The following CAMTA1 variants were observed in gnomAD, a reference collection of about 807,000 sequenced individuals.
The protein encoded by CAMTA1 is calmodulin-binding transcription activator 1.
In CAMTA1, 27 loss-of-function variants were observed where a neutral mutation model predicts 170.9. The ratio of observed to expected loss-of-function variants is 0.16; its 90% confidence interval spans 0.12 to 0.22. The LOEUF (loss-of-function observed/expected upper bound fraction) is 0.22. Among genes scored for constraint, CAMTA1 ranks in the 10% least tolerant of loss-of-function variants. The probability of loss-of-function intolerance (pLI) is 1.00; values close to 1 mark genes in which losing one functional copy is unlikely to be tolerated. For missense variants in CAMTA1, 1,619 were observed against 2,217.2 expected, an observed-to-expected ratio of 0.73 and a Z score of 5.42; for synonymous variants, 833 against 891.5, an observed-to-expected ratio of 0.93 and a Z score of 1.17.
intron 4 of CAMTA1, among the ~76,000 whole-genome samples, chr1:7,131,174 G>A (rs1017231008): frequency 2.0e-5 from 3 of 152,120 alleles, no homozygotes; most frequent in East Asian, 3.9e-4. Context: ...GGATGGTCTC[G>A]ATCTCTTGAC....
At chr1:6,790,375 AGTGT>A (rs370868840) in intron 1 of CAMTA1, among the ~76,000 whole-genome samples, 2,276 of 139,018 alleles carry the variant, frequency 0.016, 26 homozygotes, top group Non-Finnish European at 0.019. Context: ...AGAGAGAGAG[AGTGT>A]GTGTGTGTGT....
chr1:6,900,060 G>T (rs943224645), intron 3 of CAMTA1, among the ~76,000 whole-genome samples: 4 of 152,214 alleles, frequency 2.6e-5, no homozygotes, highest in African/African-American at 9.6e-5. Context: ...TCTTTGAAAA[G>T]TCACATGTGA....
intron 4 of CAMTA1, among the ~76,000 whole-genome samples, chr1:7,223,047 C>A (rs1021684141): frequency 6.6e-6 from 1 of 152,248 alleles, no homozygotes; most frequent in African/African-American, 2.4e-5. Context: ...CCCTTGATGA[C>A]CAACGCTCTT....
intron 5 of CAMTA1, among the ~76,000 whole-genome samples, chr1:7,276,303 A>ATATATATTTTTTTTTT: frequency 4.1e-5 from 1 of 24,232 alleles, no homozygotes; most frequent in Non-Finnish European, 6.1e-5. Context: ...ATATATATAT[A>ATATATATTTTTTTTTT]TTTTTTTTTT....
rs1310129155 is a variant in CAMTA1 at position 7,191,067 on chromosome 1, C to T, written c.303-58424C>T. Among the ~76,000 whole-genome samples, 3 of 152,304 alleles carry T rather than the reference C, an allele frequency of 2.0e-5. No individual in the cohort carries two copies. The East Asian group carries it at 5.8e-4, about 29-fold the overall frequency. ...TAGTGCAGGTTGTGTTTGTAAGATTCAAGGACCATTAGGGTCTCGCATTTT... is the reference window on the plus strand; with the variant it reads ...TAGTGCAGGTTGTGTTTGTAAGATTTAAGGACCATTAGGGTCTCGCATTTT... On this transcript the variant is annotated intron_variant, in intron 4 of 22. Transcript: ENST00000303635.
In CAMTA1 at chr1:6,834,152, T is replaced by TA. The variant is rs200388989; in HGVS notation, c.234+8944dup. Among the ~76,000 whole-genome samples the TA allele has an allele frequency of 3.5e-3, 520 of 149,520 alleles. 3 individuals are homozygous for TA. The highest frequency in any genetic ancestry group is 5.1e-3 in the African/African-American group (209 of 40,598). ...GGTCCAGCTTCGGAGTTTATTTGAT[T>TA]AATTTTTTTTTTTTTTTTACTGTTA... On this transcript the variant is annotated intron_variant, in intron 3 of 22. Transcript: ENST00000303635.
At chr1:7,250,074 G>T (rs1666390976) in intron 5 of CAMTA1, among the ~76,000 whole-genome samples, 1 of 152,172 alleles carries the variant, frequency 6.6e-6, no homozygotes, top group Non-Finnish European at 1.5e-5. Context: ...CAAACCCTGG[G>T]TGTGTCAGCC....
chr1:7,455,064 G>A lies in CAMTA1; in HGVS notation c.439-12766G>A, dbSNP rs916721938. Among the ~76,000 whole-genome samples, 1 of 152,148 alleles carries A rather than the reference G, an allele frequency of 6.6e-6. No homozygotes were observed. Among genetic ancestry groups the A allele is most frequent in the Non-Finnish European group, 1.5e-5 (1 of 68,020 alleles). On this transcript the variant is annotated intron_variant, in intron 5 of 22. Transcript: ENST00000303635. The surrounding 1 kb of genome is among the most constrained non-coding windows in gnomAD (Gnocchi z 5.0). ...GTTCCGATGCACTCAGGGCCCTGGG[G>A]GCATCCAGGGCCGGCCTGGCTGGGG...
intron 3 of CAMTA1, among the ~76,000 whole-genome samples, chr1:6,828,835 G>C (rs1016349580): frequency 6.6e-6 from 1 of 150,926 alleles, no homozygotes; most frequent in Non-Finnish European, 1.5e-5. Flanking sequence ...TACTCTATAG[G>C]AGTTTAATCA....
intron 3 of CAMTA1, among the ~76,000 whole-genome samples, chr1:7,029,544 A>G (rs1702512272): frequency 6.6e-6 from 1 of 151,748 alleles, no homozygotes; most frequent in South Asian, 2.1e-4. Flanking sequence ...GCTGCATTGA[A>G]CAGGCTATTC....
chr1:7,708,966 C>T (rs952249418), intron 11 of CAMTA1, among the ~76,000 whole-genome samples: 1 of 152,106 alleles, frequency 6.6e-6, no homozygotes, highest in African/African-American at 2.4e-5. Flanking sequence ...TTTCGTGTTT[C>T]ACCTGACTTT....
chr1:7,225,306 G>A (rs1438869863), intron 4 of CAMTA1, among the ~76,000 whole-genome samples: 2 of 152,186 alleles, frequency 1.3e-5, no homozygotes, highest in African/African-American at 2.4e-5. Context: ...GGATGGTCTC[G>A]ATCTCCTGAC....
At chr1:7,076,594 T>G (rs1639333546) in intron 3 of CAMTA1, among the ~76,000 whole-genome samples, 1 of 152,190 alleles carries the variant, frequency 6.6e-6, no homozygotes, top group Non-Finnish European at 1.5e-5. Context: ...GTGGTCAGTT[T>G]TTTTGACACA....
intron 7 of CAMTA1, among the ~76,000 whole-genome samples, chr1:7,650,251 C>T (rs1015643904): frequency 5.9e-5 from 9 of 152,344 alleles, no homozygotes; most frequent in Admixed American, 2.0e-4. Flanking sequence ...GTAACAATGC[C>T]GCTTCGCACA....
At chr1:7,400,417 T>G (rs1284713609) in intron 5 of CAMTA1, among the ~76,000 whole-genome samples, 1 of 152,218 alleles carries the variant, frequency 6.6e-6, no homozygotes, top group Non-Finnish European at 1.5e-5. Flanking sequence ...CATGTTCTCT[T>G]TTACCTCACT....
At chr1:7,359,527 C>T (rs900731419) in intron 5 of CAMTA1, among the ~76,000 whole-genome samples, 6 of 152,214 alleles carry the variant, frequency 3.9e-5, no homozygotes, top group African/African-American at 9.6e-5. Flanking sequence ...TCACCCCATT[C>T]GACGGCACCT....
At chr1:7,705,109 G>A (rs1410726172) in intron 11 of CAMTA1, among the ~76,000 whole-genome samples, 1 of 151,798 alleles carries the variant, frequency 6.6e-6, no homozygotes, top group Non-Finnish European at 1.5e-5. Flanking sequence ...ACGCGCGGCA[G>A]GGAGGGGCCA....
chr1:7,475,325 C>G (rs2093403420), intron 6 of CAMTA1, among the ~76,000 whole-genome samples: 1 of 152,146 alleles, frequency 6.6e-6, no homozygotes. Context: ...CGGCTCCCAC[C>G]AAATGAGGCT....
intron 6 of CAMTA1, among the ~76,000 whole-genome samples, chr1:7,622,596 G>C (rs2095606214): frequency 6.6e-6 from 1 of 152,182 alleles, no homozygotes; most frequent in African/African-American, 2.4e-5. Flanking sequence ...CTCCCTAATG[G>C]GTTTCTCCCT....
Sources: gnomAD v4.1 joint callset for allele counts (sites outside exome capture counted in the v4.1 genomes callset) on GRCh38, gnomAD v4.1.1 for gene constraint, Gnocchi (gnomAD v3.1) non-coding constraint, MANE v1.5 for transcripts, NCBI Gene and HGNC (gene_info 2026-07-23, HGNC 2026-07-21) for gene names.